AUTS2: variants seen among roughly 807,000 people sequenced by gnomAD.
The protein encoded by AUTS2 is autism susceptibility gene 2 protein.
AUTS2 carries 17 observed loss-of-function variants against 112.4 expected under a neutral mutation model. The observed-to-expected ratio is 0.15, with a 90% CI of 0.10 to 0.23. AUTS2 has a LOEUF of 0.23. Among genes scored for constraint, AUTS2 ranks in the 10% least tolerant of loss-of-function variants. The pLI, the probability that AUTS2 is intolerant of heterozygous loss-of-function variation, is 1.00. For missense variants in AUTS2, 1,510 were observed against 1,701.6 expected (o/e 0.89, Z 1.98); for synonymous variants, 751 against 702.7 (o/e 1.07, Z -1.09).
chr7:69,675,990 A>G (rs556944938), intron 1 of AUTS2, among the ~76,000 whole-genome samples: 14 of 152,304 alleles, frequency 9.2e-5, no homozygotes, highest in Middle Eastern at 6.8e-3. Flanking sequence ...AAGGTATTAT[A>G]TTGGTAAGCT....
At chr7:70,739,945 A>C (rs1788008483) in intron 6 of AUTS2, among the ~76,000 whole-genome samples, 1 of 152,076 alleles carries the variant, frequency 6.6e-6, no homozygotes, top group African/African-American at 2.4e-5. Flanking sequence ...CAACAGCAGT[A>C]TTCCCGGCCC....
chr7:70,479,103 G>C (rs1431552644), intron 5 of AUTS2, among the ~76,000 whole-genome samples: 1 of 151,726 alleles, frequency 6.6e-6, no homozygotes, highest in Non-Finnish European at 1.5e-5. Flanking sequence ...TGAAAAAATA[G>C]TACCTTAGAA....
At chr7:70,588,263 C>T (rs1802776491) in intron 5 of AUTS2, among the ~76,000 whole-genome samples, 1 of 152,192 alleles carries the variant, frequency 6.6e-6, no homozygotes. Context: ...TCAGCAGGAC[C>T]TGGCCCATTA....
chr7:69,917,603 T>C (rs1359753420), intron 2 of AUTS2, among the ~76,000 whole-genome samples: 3 of 152,130 alleles, frequency 2.0e-5, no homozygotes, highest in African/African-American at 7.2e-5. Flanking sequence ...GTAATGTAGG[T>C]TATAACTACA....
At position 70,474,790 on chromosome 7, in the gene AUTS2, T is replaced by C. The variant is rs567753354; in HGVS notation, c.690+39009T>C. Among the ~76,000 whole-genome samples, 10 of 152,288 alleles carry C rather than the reference T, an allele frequency of 6.6e-5. 1 individual carries two copies. In the South Asian group the frequency reaches 2.1e-3, roughly 32 times the overall value. ...GCAAGAACTCATGCAGGAAAACCCA[T>C]TTAATTAGGACCCACTGTGAAGGAC... On this transcript the variant is annotated intron_variant, in intron 5 of 18. Coordinates refer to ENST00000342771, the MANE Select transcript of AUTS2 (RefSeq NM_015570.4).
chr7:69,748,446 C>A (rs1787604360), intron 1 of AUTS2, among the ~76,000 whole-genome samples: 1 of 152,134 alleles, frequency 6.6e-6, no homozygotes, highest in Non-Finnish European at 1.5e-5. Flanking sequence ...GTCTCTTTAT[C>A]TTAAGTTCTG....
rs57476421 is a variant in AUTS2 at position 69,870,446 on chromosome 7, G to GTTT, written c.310-28839_310-28838insTTT. Among the ~76,000 whole-genome samples the GTTT allele has an allele frequency of 9.2e-4, 19 of 20,712 alleles. No individual in the cohort carries two copies. The Admixed American group carries it at 0.011, about 12-fold the overall frequency. 13.6% of individuals were successfully genotyped at this position (20,712 alleles called of 152,430 possible). On this transcript the variant is annotated intron_variant, in intron 1 of 18. Transcript: ENST00000342771. ...TATACATATCTGTGCGTATGTGTGT[G>GTTT]TAATATATATATATATATATGTATT...
At chr7:69,839,865 G>A (rs545191184) in intron 1 of AUTS2, among the ~76,000 whole-genome samples, 1 of 152,246 alleles carries the variant, frequency 6.6e-6, no homozygotes, top group South Asian at 2.1e-4. Flanking sequence ...AGGTCCAGGA[G>A]CTTGGTGGAG....
chr7:70,502,593 A>G (rs1798810978), intron 5 of AUTS2, among the ~76,000 whole-genome samples: 1 of 152,146 alleles, frequency 6.6e-6, no homozygotes, highest in Admixed American at 6.5e-5. Flanking sequence ...TCCCCTGCAG[A>G]AAAGTAGCAA....
intron 6 of AUTS2, among the ~76,000 whole-genome samples, chr7:70,716,636 CAAAAAAAAA>C (rs34972760): frequency 0.012 from 798 of 64,890 alleles, 11 homozygotes; most frequent in African/African-American, 0.049. Context: ...GACTCCGTCT[CAAAAAAAAA>C]AAAAAAAAAA....
intron 2 of AUTS2, among the ~76,000 whole-genome samples, chr7:69,991,989 G>A (rs1209600195): frequency 6.6e-6 from 1 of 152,176 alleles, no homozygotes; most frequent in African/African-American, 2.4e-5. Context: ...ACTTATGTAA[G>A]TGTTGCCCTC....
At position 70,698,599 on chromosome 7, in the gene AUTS2, A is replaced by G; in HGVS notation, c.721A>G (p.Asn241Asp). The change falls in exon 6 of 19, where the codon AAC (asparagine) becomes GAC (aspartate). Residue 241 changes from asparagine to aspartate, a missense_variant. Transcript: ENST00000342771. ...ASDASSEKLF[N>D]TVIVNKDPEL... ...AGATGCCAGCTCTGAAAAACTCTTC[A>G]ACACTGTTATTGTAAACAAAGGTAA... 6.2e-7 allele frequency: 1 copy of G among 1,607,496 alleles called. No homozygotes were observed. The highest frequency in any genetic ancestry group is 8.5e-7 in the Non-Finnish European group (1 of 1,177,158).
At chr7:69,663,383 A>G (rs1052397010) in intron 1 of AUTS2, 9 of 152,060 alleles carry the variant, frequency 5.9e-5, no homozygotes, top group Non-Finnish European at 1.3e-4. Context: ...ATGGGTTTAT[A>G]TGCTTCATAT....
chr7:70,319,852 T>G (rs1790170448), intron 4 of AUTS2, among the ~76,000 whole-genome samples: 1 of 150,956 alleles, frequency 6.6e-6, no homozygotes, highest in Non-Finnish European at 1.5e-5. Flanking sequence ...AAAATTACCC[T>G]TATGAAGCTT....
intron 1 of AUTS2, among the ~76,000 whole-genome samples, chr7:69,770,988 A>G (rs1334975642): frequency 2.0e-5 from 3 of 152,222 alleles, no homozygotes; most frequent in Non-Finnish European, 4.4e-5. Flanking sequence ...GATCACAAAA[A>G]GAAATGTGAC....
At chr7:70,657,956 G>A (rs1341876458) in intron 5 of AUTS2, among the ~76,000 whole-genome samples, 1 of 152,108 alleles carries the variant, frequency 6.6e-6, no homozygotes, top group Non-Finnish European at 1.5e-5. Flanking sequence ...AAGCCTCTTT[G>A]GTTTTCTTTT....
At chr7:70,047,423 T>G (rs541138467) in intron 2 of AUTS2, among the ~76,000 whole-genome samples, 3 of 152,314 alleles carry the variant, frequency 2.0e-5, no homozygotes, top group East Asian at 1.9e-4. Context: ...CAGAGACACT[T>G]TCCCTATTTT....
At chr7:70,503,542 A>G (rs562543025) in intron 5 of AUTS2, among the ~76,000 whole-genome samples, 1 of 127,504 alleles carries the variant, frequency 7.8e-6, no homozygotes, top group South Asian at 2.6e-4. Context: ...TTTTTGAGAT[A>G]GATTCTCTCT....
chr7:70,499,123 C>G (rs1435934527), intron 5 of AUTS2, among the ~76,000 whole-genome samples: 2 of 152,116 alleles, frequency 1.3e-5, no homozygotes, highest in Non-Finnish European at 2.9e-5. Flanking sequence ...AAGACGGGTC[C>G]CTGCTCTCGG....
Sources: allele counts gnomAD v4.1 joint callset (sites outside exome capture counted in the v4.1 genomes callset), GRCh38; gene constraint gnomAD v4.1.1; transcripts MANE v1.5; gene names NCBI Gene and HGNC (gene_info 2026-07-23, HGNC 2026-07-21).